Variants in PCDHGB7 observed in about 807,000 individuals in gnomAD.
The protein encoded by PCDHGB7 is protocadherin gamma-B7.
Under a neutral mutation model 61.4 loss-of-function variants are expected in PCDHGB7, and 37 were observed. The ratio of observed to expected loss-of-function variants is 0.60; its 90% CI spans 0.46 to 0.79. The LOEUF (loss-of-function observed/expected upper bound fraction) is 0.79, where lower values mean the gene tolerates loss of function less well. Ranked by LOEUF, PCDHGB7 falls within the 30% of genes least tolerant of loss-of-function variation. The probability of loss-of-function intolerance (pLI) is 0.00; values close to 1 mark genes in which losing one functional copy is unlikely to be tolerated. For missense variants in PCDHGB7, 1,166 were observed against 1,202.5 expected, an observed-to-expected ratio of 0.97 and a Z score of 0.45; for synonymous variants, 464 against 503.5, an observed-to-expected ratio of 0.92 and a Z score of 1.05.
At chr5:141,447,675 C>T (rs1416110491) in intron 1 of PCDHGB7, among the ~76,000 whole-genome samples, 13 of 152,064 alleles carry the variant, frequency 8.5e-5, no homozygotes, top group Admixed American at 8.5e-4. Context: ...TAGAACTGTT[C>T]CATATCTTGA....
intron 1 of PCDHGB7, among the ~76,000 whole-genome samples, chr5:141,465,995 A>G (rs551920109): frequency 1.4e-3 from 208 of 151,976 alleles, no homozygotes; most frequent in African/African-American, 4.8e-3. Context: ...GGTGGCAGGC[A>G]CCTGTAGTCC....
rs746519142 is a variant in PCDHGB7, at chr5:141,418,344, T to G, written c.485T>G (p.Ile162Ser). The G allele has an allele frequency of 6.2e-7, 1 of 1,614,008 alleles. No homozygotes were observed. Among genetic ancestry groups the G allele is most frequent in the Non-Finnish European group, 8.5e-7 (1 of 1,179,894 alleles). ...CTTGAGTCTGCAGAAGATCCTGATA[T>G]TAGTATGAATTCGCTGAGCAAATAC... ...TILESAEDPD[I>S]SMNSLSKYQL... Residue 162 changes from isoleucine (I) to serine (S), a missense_variant, in exon 1 of 4, where the codon ATT becomes AGT. Coordinates refer to ENST00000398594, the MANE Select transcript of PCDHGB7 (RefSeq NM_018927.4).
In PCDHGB7 at chr5:141,472,879, G is replaced by A. The variant is rs541980402; in HGVS notation, c.2416-21928G>A. Among the ~76,000 whole-genome samples the A allele has an allele frequency of 3.3e-5, 5 of 151,694 alleles. No homozygotes were observed. The South Asian group carries it at 6.2e-4, about 19-fold the overall frequency. ...CACATGCCTGTATTCCCAGCTACTC[G>A]GGAGGCTGAGGCAGGAGAATTGCTT... On this transcript the variant is annotated intron_variant, in intron 1 of 3. Coordinates refer to ENST00000398594, the MANE Select transcript of PCDHGB7 (RefSeq NM_018927.4).
Position 141,419,172 on chromosome 5 carries a change from T to A in PCDHGB7, c.1313T>A (p.Ile438Lys). 6.2e-7 allele frequency: 1 copy of A among 1,613,914 alleles called. No homozygotes were observed. The highest frequency in any genetic ancestry group is 8.5e-7 in the Non-Finnish European group (1 of 1,179,878). Reference protein sequence around the residue: ...GKPPLSSSKTITLHITDVNDN... With the variant: ...GKPPLSSSKTKTLHITDVNDN... ...CCTCCGTTATCCTCCAGCAAAACCA[T>A]AACCCTGCACATTACTGACGTCAAT... Residue 438 changes from isoleucine to lysine, a missense_variant, in exon 1 of 4, where the codon ATA (isoleucine) becomes AAA (lysine). Ile to Lys is a moderately radical substitution (Grantham distance 102). Coordinates refer to ENST00000398594, the MANE Select transcript of PCDHGB7 (RefSeq NM_018927.4).
chr5:141,510,194 G>A (rs920127442), intron 3 of PCDHGB7, among the ~76,000 whole-genome samples: 1 of 151,462 alleles, frequency 6.6e-6, no homozygotes, highest in Non-Finnish European at 1.5e-5. Context: ...AATCACTTGA[G>A]CCCAGGAGGC....
At position 141,423,043 on chromosome 5, in the gene PCDHGB7, T is replaced by C. The variant is rs940921497; in HGVS notation, c.2415+2769T>C. 10 of 1,614,058 alleles carry C rather than the reference T, an allele frequency of 6.2e-6. No homozygotes were observed. The Admixed American group carries it at 1.5e-4, about 24-fold the overall frequency. ...AGATTCAGGCCAGAACGCCTGGCTG[T>C]CCTATCGCCTGCTTAAGGCCAGCGA... is the stretch of plus-strand genomic sequence containing the variant. On this transcript the variant is annotated intron_variant, in intron 1 of 3. Transcript: ENST00000398594.
chr5:141,482,086 T>C (rs1435200188), intron 1 of PCDHGB7, among the ~76,000 whole-genome samples: 6 of 93,070 alleles, frequency 6.4e-5, no homozygotes, highest in African/African-American at 3.7e-4. Flanking sequence ...ACTCACTCCA[T>C]CTCAAAAAAA....
In PCDHGB7 at chr5:141,491,789, T is replaced by G; in HGVS notation, c.2416-3018T>G. The G allele has an allele frequency of 6.6e-7, 1 of 1,525,854 alleles. No individual in the cohort carries two copies. Among genetic ancestry groups the G allele is most frequent in the Non-Finnish European group, 8.8e-7 (1 of 1,137,340 alleles). The allele number at this position is 1,525,854 out of a possible 1,614,324, so 94.5% of individuals were successfully genotyped here. ...CATAAGGGATTGAACTTGCATCCAC[T>G]CCTCTCCGGCCGGCTTGGTCGCTGG... On this transcript the variant is annotated intron_variant, in intron 1 of 3. Transcript: ENST00000398594. The surrounding 1 kb of genome is among the most constrained non-coding windows in gnomAD (Gnocchi z 6.9).
At position 141,476,105 on chromosome 5, in the gene PCDHGB7, C is replaced by T; in HGVS notation, c.2416-18702C>T. ...ATCTGGACCCCGCTGAGAGGAACTG[C>T]TTTTGAGTGAGATGGTCCCAGAGGC... On this transcript the variant is annotated intron_variant, in intron 1 of 3. Coordinates refer to ENST00000398594, the MANE Select transcript of PCDHGB7 (RefSeq NM_018927.4). This position sits in a 1 kb window ranked among gnomAD's most constrained non-coding sequence, Gnocchi z 7.6. 2.5e-6 allele frequency: 4 copies of T among 1,585,450 alleles called. No homozygotes were observed. The highest frequency in any genetic ancestry group is 3.4e-6 in the Non-Finnish European group (4 of 1,168,874).
intron 1 of PCDHGB7, among the ~76,000 whole-genome samples, chr5:141,447,805 G>A (rs1389870133): frequency 2.0e-5 from 3 of 152,064 alleles, no homozygotes; most frequent in Admixed American, 2.0e-4. Context: ...AATAAAATTG[G>A]CTGGGCGTGG....
At chr5:141,448,523 A>G (rs2098593853) in intron 1 of PCDHGB7, among the ~76,000 whole-genome samples, 1 of 152,166 alleles carries the variant, frequency 6.6e-6, no homozygotes, top group African/African-American at 2.4e-5. Context: ...TTTATTAAGC[A>G]TCCTGTCAGC....
At chr5:141,495,841 G>A (rs1187067340) in intron 2 of PCDHGB7, among the ~76,000 whole-genome samples, 1 of 151,864 alleles carries the variant, frequency 6.6e-6, no homozygotes, top group Non-Finnish European at 1.5e-5. Context: ...CAGCCTCTAT[G>A]TTTCTCTGTC....
Position 141,476,512 on chromosome 5 carries a change from T to C in PCDHGB7, c.2416-18295T>C, listed in dbSNP as rs1171240377. ...TGATCCAGGACATCAACGACAACAA[T>C]CCTGCTTTCCCTACCCAGGAAATGA... On this transcript the variant is annotated intron_variant, in intron 1 of 3. Transcript: ENST00000398594. This position sits in a 1 kb window ranked among gnomAD's most constrained non-coding sequence, Gnocchi z 7.6. The C allele has an allele frequency of 6.2e-7, 1 of 1,613,642 alleles. No homozygotes were observed. Among genetic ancestry groups the C allele is most frequent in the Non-Finnish European group, 8.5e-7 (1 of 1,179,940 alleles).
intron 2 of PCDHGB7, among the ~76,000 whole-genome samples, chr5:141,499,612 C>T (rs1489412444): frequency 6.6e-6 from 1 of 151,968 alleles, no homozygotes; most frequent in African/African-American, 2.4e-5. Context: ...TACCCTTATC[C>T]TGTCCTTGGA....
chr5:141,436,931 G>A (rs1026520169), intron 1 of PCDHGB7, among the ~76,000 whole-genome samples: 1 of 152,114 alleles, frequency 6.6e-6, no homozygotes, highest in Non-Finnish European at 1.5e-5. Context: ...CTTTTTCTTT[G>A]TCTGAACCAT....
In PCDHGB7 at chr5:141,421,780, G is replaced by A. The variant is rs1259671007; in HGVS notation, c.2415+1506G>A. On this transcript the variant is annotated intron_variant, in intron 1 of 3. Coordinates refer to ENST00000398594, the MANE Select transcript of PCDHGB7 (RefSeq NM_018927.4). ...TAATTACTTTTCCTTGCAACTGCGGGGCAGAACGGATGGGGCCAAGAATCC... is the reference window on the plus strand; with the variant it reads ...TAATTACTTTTCCTTGCAACTGCGGAGCAGAACGGATGGGGCCAAGAATCC... The A allele has an allele frequency of 2.5e-6, 4 of 1,613,856 alleles. No homozygotes were observed. In the South Asian group the frequency reaches 4.4e-5, roughly 18 times the overall value.
chr5:141,488,672 G>A (rs1012955473), intron 1 of PCDHGB7, among the ~76,000 whole-genome samples: 20 of 152,208 alleles, frequency 1.3e-4, no homozygotes, highest in African/African-American at 4.8e-4. Context: ...GAATACATGG[G>A]CTTTGCCTCT....
At chr5:141,483,076 C>A (rs964178941) in intron 1 of PCDHGB7, among the ~76,000 whole-genome samples, 8 of 152,044 alleles carry the variant, frequency 5.3e-5, no homozygotes, top group Non-Finnish European at 8.8e-5. Context: ...CAGAGAGAGA[C>A]TCCATCTCAA....
chr5:141,453,721 A>G (rs373983847), intron 1 of PCDHGB7, among the ~76,000 whole-genome samples: 4 of 152,244 alleles, frequency 2.6e-5, no homozygotes, highest in East Asian at 1.9e-4. Flanking sequence ...CTATAAAAAT[A>G]TTTGTTACTA....
Sources: gnomAD v4.1 joint callset for allele counts (sites outside exome capture counted in the v4.1 genomes callset) on GRCh38, gnomAD v4.1.1 for gene constraint, Gnocchi (gnomAD v3.1) non-coding constraint, MANE v1.5 for transcripts, NCBI Gene and HGNC (gene_info 2026-07-23, HGNC 2026-07-21) for gene names.